Variants in LYPD5 observed in about 807,000 individuals in gnomAD.
LYPD5 encodes LY6/PLAUR domain containing 5.
A neutral mutation model predicts 19.1 loss-of-function variants in LYPD5; 21 were observed. That is an observed-to-expected ratio of 1.10 (90% CI 0.78 to 1.58). LYPD5 has a LOEUF of 1.58. LYPD5 is among the 40% of genes most tolerant of loss of function. The probability of loss-of-function intolerance (pLI) is 0.00; values close to 1 mark genes in which losing one functional copy is unlikely to be tolerated. For missense variants in LYPD5, 287 were observed against 329.8 expected, an observed-to-expected ratio of 0.87 and a Z score of 1.00; for synonymous variants, 128 against 142.7, an observed-to-expected ratio of 0.90 and a Z score of 0.74.
Position 43,799,753 on chromosome 19 carries a change from A to T in LYPD5, c.146T>A (p.Ile49Asn), listed in dbSNP as rs772405562. 2 of 1,613,910 alleles carry T rather than the reference A, an allele frequency of 1.2e-6. No individual in the cohort carries two copies. Among genetic ancestry groups the T allele is most frequent in the Non-Finnish European group, 1.7e-6 (2 of 1,179,914 alleles). ...FDLRAMKLPS[I>N]SCPHECFEAI... ...CTCAAAGCACTCATGAGGACAGGAGATGCTGGGCAGCTTCATGGCCCTGAG... is the reference window on the plus strand; with the variant it reads ...CTCAAAGCACTCATGAGGACAGGAGTTGCTGGGCAGCTTCATGGCCCTGAG... The change falls in exon 2 of 5, where the codon ATC (isoleucine) becomes AAC (asparagine). Residue 49 changes from isoleucine (I) to asparagine (N), a missense_variant. Coordinates refer to ENST00000377950, the MANE Select transcript of LYPD5 (RefSeq NM_001031749.3).
At chr19:43,803,032 G>A (rs1048203066), upstream of LYPD5, among the ~76,000 whole-genome samples, 7 of 152,200 alleles carry the variant, frequency 4.6e-5, no homozygotes, top group African/African-American at 1.7e-4. Context: ...CATACAGGGA[G>A]AGACAGACAC....
chr19:43,797,860 C>G (rs756674822), intron 4 of LYPD5, 31 bp from the exon 5 acceptor site: 1 of 1,531,292 alleles, frequency 6.5e-7, no homozygotes, highest in African/African-American at 1.4e-5. Context: ...GAGGAACGGT[C>G]AGAACTGAGG....
At chr19:43,815,713 T>C (rs1471163819) in intron 1 of LYPD5, 1 of 402,272 alleles carries the variant, frequency 2.5e-6, no homozygotes. Flanking sequence ...CACACATCTA[T>C]ATATACCCAT....
chr19:43,798,633 A>AGTG, intron 3 of LYPD5, 32 bp from the exon 4 acceptor site: 2 of 1,609,460 alleles, frequency 1.2e-6, no homozygotes, highest in Non-Finnish European at 1.7e-6. Context: ...ACACTCAGGC[A>AGTG]GTGGTACCCT....
chr19:43,810,856 C>T (rs1462157117), intron 1 of LYPD5, among the ~76,000 whole-genome samples: 2 of 151,916 alleles, frequency 1.3e-5, no homozygotes, highest in Non-Finnish European at 2.9e-5. Flanking sequence ...TCTTGAACTC[C>T]TGACCTTAGG....
chr19:43,798,486 G>C lies in LYPD5; in HGVS notation c.486C>G (p.Ala162=). The change falls in exon 4 of 5, where the codon GCC becomes GCG. Residue 162 remains alanine (A), a synonymous_variant. Transcript: ENST00000377950. ...TCATTCTGCCATTGCCCTGGAAGCA[G>C]GCGGTCTGGTCCTGGTGACACTGGA... The part of the protein sequence containing the change: ...RRVQCHQDQT[A]CFQGNGRMTV... 1.2e-6 allele frequency: 2 copies of C among 1,609,126 alleles called. No homozygotes were observed. The highest frequency in any genetic ancestry group is 1.7e-6 in the Non-Finnish European group (2 of 1,180,006).
At chr19:43,799,097 C>T in intron 2 of LYPD5, 109 bp from the exon 3 acceptor site, 2 of 1,234,426 alleles carry the variant, frequency 1.6e-6, no homozygotes, top group Non-Finnish European at 2.2e-6. Context: ...CACCTCCTCC[C>T]CTCCCTCCTT....
rs1485929538 is a variant in LYPD5 at position 43,797,547 on chromosome 19, A to C, written c.*44T>G. ...ATGTGATAGGGGCTGAAGCAGCAAG[A>C]ATGAGGTGTGTGAGCCCTGTCCCCA... is the stretch of plus-strand genomic sequence containing the variant. On this transcript the variant is annotated 3_prime_UTR_variant, in exon 5 of 5. Transcript: ENST00000377950. 2 of 1,419,052 alleles carry C rather than the reference A, an allele frequency of 1.4e-6. No individual in the cohort carries two copies. Among genetic ancestry groups the C allele is most frequent in the Non-Finnish European group, 1.9e-6 (2 of 1,029,686 alleles). 87.9% of individuals were successfully genotyped at this position (1,419,052 alleles called of 1,614,324 possible). A position where few individuals can be genotyped will look rare whatever the true frequency, so the allele number is the denominator to read the frequency against.
chr19:43,819,646 G>T (rs1046412342), intron 1 of LYPD5, among the ~76,000 whole-genome samples: 1 of 152,146 alleles, frequency 6.6e-6, no homozygotes. Context: ...AGATCGATGG[G>T]TCAGGGCTAA....
chr19:43,796,124 G>C lies in LYPD5; in HGVS notation c.*1467C>G, dbSNP rs945088450. 5.3e-5 allele frequency: 8 copies of C among 152,172 alleles called. No homozygotes were observed. Among genetic ancestry groups the C allele is most frequent in the African/African-American group, 1.9e-4 (8 of 41,504 alleles). 9.4% of individuals were successfully genotyped at this position (152,172 alleles called of 1,614,324 possible). On this transcript the variant is annotated 3_prime_UTR_variant, in exon 5 of 5. Coordinates refer to ENST00000377950, the MANE Select transcript of LYPD5 (RefSeq NM_001031749.3). Reference sequence around the variant, plus strand: ...TATAAGGGCACTAATCCTATTCATGGGGGCTCCACCCTCATGATCTCACCA... The same window carrying C: ...TATAAGGGCACTAATCCTATTCATGCGGGCTCCACCCTCATGATCTCACCA...
chr19:43,817,514 AT>A (rs892752264), intron 1 of LYPD5, among the ~76,000 whole-genome samples: 4 of 152,026 alleles, frequency 2.6e-5, no homozygotes, highest in East Asian at 3.9e-4. Flanking sequence ...AATTTGTGGG[AT>A]TTTTTTTCAA....
intron 3 of LYPD5, 34 bp downstream of exon 3, chr19:43,798,778 C>G (rs1364849012): frequency 6.3e-7 from 1 of 1,584,420 alleles, no homozygotes; most frequent in Non-Finnish European, 8.6e-7. Flanking sequence ...CTCTCATCGT[C>G]CCTCCCGGAG....
chr19:43,809,392 T>G (rs1261785520), intron 1 of LYPD5, among the ~76,000 whole-genome samples: 1 of 151,158 alleles, frequency 6.6e-6, no homozygotes, highest in Non-Finnish European at 1.5e-5. Context: ...ATTTATTTAT[T>G]TATTTAAGAC....
At position 43,798,985 on chromosome 19, in the gene LYPD5, TAC is replaced by T. The variant is rs1970180552; in HGVS notation, c.195_196del (p.Tyr66SerfsTer40). The T allele has an allele frequency of 1.3e-6, 2 of 1,568,830 alleles. No individual in the cohort carries two copies. The highest frequency in any genetic ancestry group is 1.7e-6 in the Non-Finnish European group (2 of 1,157,230). On this transcript the variant is annotated frameshift_variant and splice_region_variant, in exon 3 of 5. Transcript: ENST00000377950. LOFTEE classifies it high-confidence loss of function. ...CCGCACCAGGGTCACCGGCGCGCGA[TAC>T]CCTGGGGGCGGGATCGGGGCTCGTG...
In LYPD5 at chr19:43,798,282, CCAAATCTTCTCCCTCAGACCAGGGT is replaced by C. The variant is rs1568402917; in HGVS notation, c.517+148_517+172del. Among the ~76,000 whole-genome samples, 231 of 39,186 alleles carry C rather than the reference CCAAATCTTCTCCCTCAGACCAGGGT, an allele frequency of 5.9e-3. 1 individual carries two copies. The highest frequency in any genetic ancestry group is 8.3e-3 in the Non-Finnish European group (158 of 18,974). The allele number at this position is 39,186 out of a possible 152,430, so 25.7% of individuals were successfully genotyped here. On this transcript the variant is annotated intron_variant, in intron 4 of 4. Transcript: ENST00000377950. The stretch of plus-strand genomic sequence containing the variant: ...CCAAATCTTCTCCCTCAGACCAGGG[CCAAATCTTCTCCCTCAGACCAGGGT>C]CAAACCTTCTCCCTCAGACCAGGGT...
rs1970168340 is a variant in LYPD5, at chr19:43,798,486, G to A, written c.486C>T (p.Ala162=). The stretch of plus-strand genomic sequence containing the variant: ...TCATTCTGCCATTGCCCTGGAAGCA[G>A]GCGGTCTGGTCCTGGTGACACTGGA... The part of the protein sequence containing the change: ...RRVQCHQDQT[A]CFQGNGRMTV... The change falls in exon 4 of 5, where the codon GCC becomes GCT. Residue 162 remains alanine, a synonymous_variant. Transcript: ENST00000377950. 1 of 1,609,126 alleles carries A rather than the reference G, an allele frequency of 6.2e-7. No individual in the cohort carries two copies. Among genetic ancestry groups the A allele is most frequent in the African/African-American group, 1.3e-5 (1 of 75,068 alleles).
Position 43,797,657 on chromosome 19 carries a change from A to AG in LYPD5, c.689dup (p.Pro231SerfsTer46). ...GGGCCAGGACCTGTAGTGCTCGGGGAGGGGTGGTGGCTGAAGCACTGGTGA... is the reference window on the plus strand; with the variant it reads ...GGGCCAGGACCTGTAGTGCTCGGGGAGGGGGTGGTGGCTGAAGCACTGGTGA... On this transcript the variant is annotated frameshift_variant, in exon 5 of 5. Coordinates refer to ENST00000377950, the MANE Select transcript of LYPD5 (RefSeq NM_001031749.3). LOFTEE classifies it low-confidence loss of function (END_TRUNC). The AG allele has an allele frequency of 6.2e-7, 1 of 1,612,856 alleles. No homozygotes were observed. The highest frequency in any genetic ancestry group is 8.5e-7 in the Non-Finnish European group (1 of 1,179,638).
intron 1 of LYPD5, among the ~76,000 whole-genome samples, chr19:43,810,675 C>T (rs1028836691): frequency 6.6e-6 from 1 of 150,814 alleles, no homozygotes; most frequent in South Asian, 2.1e-4. Context: ...CTCTGTTGCC[C>T]AGGCTGGAAT....
intron 1 of LYPD5, among the ~76,000 whole-genome samples, chr19:43,820,296 C>T (rs1970408134): frequency 6.6e-6 from 1 of 152,166 alleles, no homozygotes; most frequent in African/African-American, 2.4e-5. Flanking sequence ...GTGGCACGTG[C>T]ACTCTCATAC....
Sources: allele counts gnomAD v4.1 joint callset (sites outside exome capture counted in the v4.1 genomes callset), GRCh38; gene constraint gnomAD v4.1.1; transcripts MANE v1.5; gene names NCBI Gene and HGNC (gene_info 2026-07-23, HGNC 2026-07-21).